Variants in MICA observed in about 807,000 individuals in gnomAD.
The protein encoded by MICA is MHC class I polypeptide-related sequence A, also known as HLA class I antigen.
Under a neutral mutation model 34.3 loss-of-function variants are expected in MICA, and 18 were observed. That is an observed-to-expected ratio of 0.52 (90% CI 0.36 to 0.78). The LOEUF is 0.78. MICA is among the 30% of genes least tolerant of loss of function. MICA has a pLI of 0.00. For synonymous variants in MICA, 135 were observed against 156.9 expected (o/e 0.86, Z 1.04); for missense variants, 333 against 409.4 (o/e 0.81, Z 1.61).
rs1771168193 is a variant in MICA, at chr6:31,411,715, G to A, written c.614-232G>A. Among the ~76,000 whole-genome samples, 1 of 151,788 alleles carries A rather than the reference G, an allele frequency of 6.6e-6. No individual in the cohort carries two copies. Among genetic ancestry groups the A allele is most frequent in the African/African-American group, 2.4e-5 (1 of 41,224 alleles). On this transcript the variant is annotated intron_variant, in intron 3 of 5. Coordinates refer to ENST00000449934, the MANE Select transcript of MICA (RefSeq NM_001177519.3). The surrounding 1 kb of genome is among the most constrained non-coding windows in gnomAD (Gnocchi z 4.3). ...CCCCACAACCCAGGAGTCCACCCCT[G>A]ACATCCCCCTCCTCAGCATCAATGT...
rs370662056 is a variant in MICA at position 31,403,626 on chromosome 6, C to T, written c.-7C>T. ...TGAGCCGCTGAGAGGGTGGCGACGT[C>T]GGGGCCATGGGGCTGGGCCCGGTCT... is the stretch of plus-strand genomic sequence containing the variant. On this transcript the variant is annotated 5_prime_UTR_variant, in exon 1 of 6. Coordinates refer to ENST00000449934, the MANE Select transcript of MICA (RefSeq NM_001177519.3). The surrounding 1 kb of genome is among the most constrained non-coding windows in gnomAD (Gnocchi z 4.7). 508 of 1,506,554 alleles carry T rather than the reference C, an allele frequency of 3.4e-4. 4 individuals carry two copies. In the Middle Eastern group the frequency reaches 5.8e-3, roughly 17 times the overall value. 93.3% of individuals were successfully genotyped at this position (1,506,554 alleles called of 1,614,324 possible).
Position 31,411,341 on chromosome 6 carries a change from G to C in MICA, c.595G>C (p.Val199Leu). 5.7e-6 allele frequency: 9 copies of C among 1,571,514 alleles called. No individual in the cohort carries two copies. The highest frequency in any genetic ancestry group is 7.8e-6 in the Non-Finnish European group (9 of 1,159,180). The change falls in exon 3 of 6, where the codon GTA (valine) becomes CTA (leucine). Residue 199 changes from valine to leucine, a missense_variant. Coordinates refer to ENST00000449934, the MANE Select transcript of MICA (RefSeq NM_001177519.3). The surrounding 1 kb of genome is among the most constrained non-coding windows in gnomAD (Gnocchi z 4.3). ...QELRRYLESG[V>L]VLRRTVPPMV... is the part of the protein sequence containing the mutation. The stretch of plus-strand genomic sequence containing the variant: ...ACTACGGCGATATCTAGAATCCGGC[G>C]TAGTCCTGAGGAGAACAGGTACCGA...
chr6:31,403,309 G>A (rs933886065), upstream of MICA, among the ~76,000 whole-genome samples: 4 of 151,838 alleles, frequency 2.6e-5, no homozygotes, highest in Non-Finnish European at 5.9e-5. The surrounding 1 kb of genome is among the most constrained non-coding windows in gnomAD (Gnocchi z 4.7). Context: ...TGCCGGGAGG[G>A]CAGGCAGGGC....
intron 1 of MICA, among the ~76,000 whole-genome samples, chr6:31,405,427 G>T (rs1306776366): frequency 6.7e-6 from 1 of 149,924 alleles, no homozygotes; most frequent in Non-Finnish European, 1.5e-5. Context: ...TTTAACTTTT[G>T]TTTGGGTACG....
chr6:31,411,275 A>G lies in MICA; in HGVS notation c.529A>G (p.Lys177Glu), dbSNP rs1486562745. ...CTTGAAGGAAGATGCCATGAAGACC[A>G]AGACACACTATCACGCTATGCATGC... The part of the protein sequence containing the change: ...NFLKEDAMKT[K>E]THYHAMHADC... The change falls in exon 3 of 6, where the codon AAG becomes GAG. Residue 177 changes from lysine (K) to glutamate (E), a missense_variant. Coordinates refer to ENST00000449934, the MANE Select transcript of MICA (RefSeq NM_001177519.3). The surrounding 1 kb of genome is among the most constrained non-coding windows in gnomAD (Gnocchi z 4.3). 6.2e-7 allele frequency: 1 copy of G among 1,611,222 alleles called. No homozygotes were observed. The highest frequency in any genetic ancestry group is 1.1e-5 in the South Asian group (1 of 90,658).
At chr6:31,407,437 T>C (rs1770810950) in intron 1 of MICA, among the ~76,000 whole-genome samples, 1 of 151,934 alleles carries the variant, frequency 6.6e-6, no homozygotes, top group South Asian at 2.1e-4. Flanking sequence ...GGTTTCTCTA[T>C]GTTGGCCAGG....
chr6:31,413,242 G>A (rs1414416465), intron 5 of MICA, among the ~76,000 whole-genome samples: 5 of 151,890 alleles, frequency 3.3e-5, no homozygotes, highest in African/African-American at 1.2e-4. Context: ...TTTGAGGAGT[G>A]GGGCCCAGCC....
At chr6:31,414,565 A>G (rs9266819) in intron 5 of MICA, among the ~76,000 whole-genome samples, 48,623 of 151,754 alleles carry the variant, frequency 0.32, 8,387 homozygotes, top group African/African-American at 0.4. Context: ...GGGGAGGAGC[A>G]CTGAGCTGCA....
At position 31,414,654 on chromosome 6, in the gene MICA, T is replaced by C. The variant is rs1476819925; in HGVS notation, c.*30-358T>C. On this transcript the variant is annotated intron_variant, in intron 5 of 5. Coordinates refer to ENST00000449934, the MANE Select transcript of MICA (RefSeq NM_001177519.3). ...CTGAAGGAGAGGAGGGCCTGGGGAC[T>C]GAGAGCAAGGGTCAGGGCCTCTCTT... 3.9e-5 allele frequency among the ~76,000 whole-genome samples: 6 copies of C among 151,956 alleles called. 1 individual carries two copies. Among genetic ancestry groups the C allele is most frequent in the Non-Finnish European group, 5.9e-5 (4 of 68,014 alleles).
chr6:31,409,716 T>C (rs969660993), intron 1 of MICA, among the ~76,000 whole-genome samples: 1 of 151,926 alleles, frequency 6.6e-6, no homozygotes, highest in African/African-American at 2.4e-5. Flanking sequence ...CCCCAATGTT[T>C]GCTTCTAAGA....
In MICA at chr6:31,411,384, C is replaced by T; in HGVS notation, c.613+25C>T. ...GGTACCGACGCTGGCCAGGGGCTCT[C>T]CTCTCCCTCCAATTCTGCTAGAGTT... On this transcript the variant is annotated intron_variant, in intron 3 of 5. Transcript: ENST00000449934. The surrounding 1 kb of genome is among the most constrained non-coding windows in gnomAD (Gnocchi z 4.3). The T allele has an allele frequency of 6.5e-7, 1 of 1,535,116 alleles. No individual in the cohort carries two copies. Among genetic ancestry groups the T allele is most frequent in the Non-Finnish European group, 8.8e-7 (1 of 1,138,740 alleles).
chr6:31,410,771 T>A lies in MICA; in HGVS notation c.299T>A (p.Leu100Gln). ...AACGGAAAGGACCTCAGGATGACCC[T>A]GGCTCATATCAAGGACCAGAAAGAA... ...TGNGKDLRMT[L>Q]AHIKDQKEGL... The change falls in exon 2 of 6, where the codon CTG becomes CAG. Residue 100 changes from leucine (L) to glutamine (Q), a missense_variant. By Grantham distance (113) the Leu-to-Gln change is moderately radical (BLOSUM62 -2). Coordinates refer to ENST00000449934, the MANE Select transcript of MICA (RefSeq NM_001177519.3). 6.3e-7 allele frequency: 1 copy of A among 1,575,138 alleles called. No individual in the cohort carries two copies. The highest frequency in any genetic ancestry group is 8.6e-7 in the Non-Finnish European group (1 of 1,160,280).
rs548703074 is a variant in MICA at position 31,411,042 on chromosome 6, A to C, written c.326-30A>C. ...TGGGTGGAAAGGTGATGGGTTCGGG[A>C]ATGGAGAAGTCACTGCTGGGTGGGG... is the stretch of plus-strand genomic sequence containing the variant. On this transcript the variant is annotated intron_variant, in intron 2 of 5. Transcript: ENST00000449934. This position sits in a 1 kb window ranked among gnomAD's most constrained non-coding sequence, Gnocchi z 4.3. The C allele has an allele frequency of 5.2e-6, 8 of 1,548,886 alleles. No homozygotes were observed. In the South Asian group the frequency reaches 9.7e-5, roughly 19 times the overall value.
rs1270574931 is a variant in MICA, at chr6:31,411,629, T to G, written c.613+270T>G. Among the ~76,000 whole-genome samples the G allele has an allele frequency of 6.6e-6, 1 of 151,680 alleles. No homozygotes were observed. The highest frequency in any genetic ancestry group is 1.5e-5 in the Non-Finnish European group (1 of 67,954). The stretch of plus-strand genomic sequence containing the variant: ...GGGTGTCAGGCAGGAGAGGAAGCCT[T>G]CAGGGCCAGGGCTGCCCCCTCTGCC... On this transcript the variant is annotated intron_variant, in intron 3 of 5. Transcript: ENST00000449934. The surrounding 1 kb of genome is among the most constrained non-coding windows in gnomAD (Gnocchi z 4.3).
At position 31,411,364 on chromosome 6, in the gene MICA, C is replaced by T; in HGVS notation, c.613+5C>T. The T allele has an allele frequency of 1.9e-6, 3 of 1,553,492 alleles. No homozygotes were observed. The highest frequency in any genetic ancestry group is 1.4e-5 in the African/African-American group (1 of 72,848). ...GCGTAGTCCTGAGGAGAACAGGTAC[C>T]GACGCTGGCCAGGGGCTCTCCTCTC... On this transcript the variant is annotated splice_donor_5th_base_variant and intron_variant, in intron 3 of 5. Coordinates refer to ENST00000449934, the MANE Select transcript of MICA (RefSeq NM_001177519.3). The surrounding 1 kb of genome is among the most constrained non-coding windows in gnomAD (Gnocchi z 4.3).
At chr6:31,408,013 G>C (rs531112513) in intron 1 of MICA, among the ~76,000 whole-genome samples, 2 of 151,898 alleles carry the variant, frequency 1.3e-5, no homozygotes, top group African/African-American at 4.8e-5. Context: ...TTATATTGAG[G>C]TCTGTTCCTT....
At chr6:31,403,504 T>G, upstream of MICA, 1 of 668,894 alleles carries the variant, frequency 1.5e-6, no homozygotes, top group Non-Finnish European at 2.3e-6. The surrounding 1 kb of genome is among the most constrained non-coding windows in gnomAD (Gnocchi z 4.7). Flanking sequence ...CGCTCGTGAT[T>G]GGCCCTAAGT....
intron 1 of MICA, among the ~76,000 whole-genome samples, 179 bp from the exon 2 acceptor site, chr6:31,410,364 G>A (rs1298737314): frequency 6.6e-6 from 1 of 151,156 alleles, no homozygotes; most frequent in Non-Finnish European, 1.5e-5. Context: ...CTGTTCATCA[G>A]CCCCCTCCTC....
At chr6:31,407,111 G>A (rs1770790990) in intron 1 of MICA, among the ~76,000 whole-genome samples, 1 of 151,656 alleles carries the variant, frequency 6.6e-6, no homozygotes, top group Non-Finnish European at 1.5e-5. Flanking sequence ...GTTTTGATAG[G>A]GATTGCATTG....
Sources: allele counts gnomAD v4.1 joint callset (sites outside exome capture counted in the v4.1 genomes callset), GRCh38; gene constraint gnomAD v4.1.1; non-coding constraint Gnocchi (gnomAD v3.1); transcripts MANE v1.5; gene names NCBI Gene and HGNC (gene_info 2026-07-23, HGNC 2026-07-21).